Variants in EHD4 observed in about 807,000 individuals in gnomAD.
EHD4 encodes the protein EH domain-containing protein 4.
A neutral mutation model predicts 51.0 loss-of-function variants in EHD4; 37 were observed. The observed-to-expected ratio is 0.73, with a 90% CI of 0.56 to 0.95. The LOEUF is 0.95. Among genes scored for constraint, EHD4 ranks in the 40% least tolerant of loss-of-function variants. EHD4 has a pLI of 0.00. For synonymous variants in EHD4, 297 were observed against 317.3 expected (o/e 0.94, Z 0.68); for missense variants, 632 against 733.1 (o/e 0.86, Z 1.59).
chr15:41,957,850 G>A (rs138338526), intron 1 of EHD4, among the ~76,000 whole-genome samples: 81 of 152,306 alleles, frequency 5.3e-4, no homozygotes, highest in Non-Finnish European at 1.1e-3. Context: ...TGCAGTGAGG[G>A]AACTCGGAAC....
At chr15:41,952,992 C>G (rs1055255420) in intron 2 of EHD4, among the ~76,000 whole-genome samples, 9 of 120,538 alleles carry the variant, frequency 7.5e-5, no homozygotes, top group Non-Finnish European at 1.5e-4. Context: ...TCTATCTTCC[C>G]CCCCGCAAAA....
At chr15:41,968,617 C>T (rs564036201) in intron 1 of EHD4, among the ~76,000 whole-genome samples, 2 of 152,166 alleles carry the variant, frequency 1.3e-5, no homozygotes, top group Admixed American at 6.5e-5. Context: ...AGTTCCTTTG[C>T]CCTTGGGTTC....
chr15:41,970,527 T>A (rs1298535123), intron 1 of EHD4, among the ~76,000 whole-genome samples: 1 of 152,250 alleles, frequency 6.6e-6, no homozygotes, highest in Non-Finnish European at 1.5e-5. Flanking sequence ...GAGAGAAATC[T>A]GGAAAAATAC....
chr15:41,943,373 G>C (rs1699445219), intron 2 of EHD4, among the ~76,000 whole-genome samples: 1 of 152,210 alleles, frequency 6.6e-6, no homozygotes, highest in Admixed American at 6.5e-5. Flanking sequence ...ACAGAGAACA[G>C]ATGCTGGCCC....
At chr15:41,942,783 A>C in intron 3 of EHD4, 1 of 301,318 alleles carries the variant, frequency 3.3e-6, no homozygotes, top group South Asian at 3.9e-5. Flanking sequence ...CCCCGAGGCC[A>C]AGCCAGGTCC....
chr15:41,917,883 G>A (rs1041075912), intron 4 of EHD4, among the ~76,000 whole-genome samples: 4 of 152,200 alleles, frequency 2.6e-5, no homozygotes, highest in African/African-American at 9.6e-5. Flanking sequence ...CCACACCACT[G>A]CAGGTTAGCT....
At chr15:41,955,108 T>C (rs2067878599) in intron 1 of EHD4, among the ~76,000 whole-genome samples, 1 of 152,140 alleles carries the variant, frequency 6.6e-6, no homozygotes, top group African/African-American at 2.4e-5. Context: ...ATATCTTTTA[T>C]CTCTAAATTT....
chr15:41,936,457 T>C (rs1014477929), intron 3 of EHD4, among the ~76,000 whole-genome samples: 2 of 152,222 alleles, frequency 1.3e-5, no homozygotes, highest in Non-Finnish European at 2.9e-5. Flanking sequence ...TATTAGCTAT[T>C]ATTATTATTA....
At chr15:41,949,016 C>CTATATATATATATATATATATATATA (rs3035677) in intron 2 of EHD4, among the ~76,000 whole-genome samples, 16 of 92,460 alleles carry the variant, frequency 1.7e-4, no homozygotes, top group Non-Finnish European at 3.1e-4. Context: ...CAGAGTGAGA[C>CTATATATATATATATATATATATATA]TATATATATA....
Position 41,899,585 on chromosome 15 carries a change from ATCTCT to A in EHD4, c.*1055_*1059del, listed in dbSNP as rs957257417. On this transcript the variant is annotated 3_prime_UTR_variant, in exon 6 of 6. Coordinates refer to ENST00000220325, the MANE Select transcript of EHD4 (RefSeq NM_139265.4). ...ACAATGTCTAACTCTGGGTGGACTG[ATCTCT>A]TCTCAACAGCCCAGGGCAGGGCTGG... 2 of 151,880 alleles carry A rather than the reference ATCTCT, an allele frequency of 1.3e-5. No individual in the cohort carries two copies. Among genetic ancestry groups the A allele is most frequent in the African/African-American group, 2.4e-5 (1 of 41,326 alleles). 9.4% of individuals were successfully genotyped at this position (151,880 alleles called of 1,614,324 possible).
chr15:41,898,209 C>T lies in EHD4; in HGVS notation c.*2436G>A, dbSNP rs368116636. On this transcript the variant is annotated 3_prime_UTR_variant, in exon 6 of 6. Coordinates refer to ENST00000220325, the MANE Select transcript of EHD4 (RefSeq NM_139265.4). Reference sequence around the variant, plus strand: ...GCAGGGAAAGGACTCCGCTGCCTGACGCCTCTCCCACCTGAGAGCGCAGAG... The same window carrying T: ...GCAGGGAAAGGACTCCGCTGCCTGATGCCTCTCCCACCTGAGAGCGCAGAG... 7.9e-5 allele frequency: 12 copies of T among 152,160 alleles called. No individual in the cohort carries two copies. The highest frequency in any genetic ancestry group is 1.9e-4 in the African/African-American group (8 of 41,430). The allele number at this position is 152,160 out of a possible 1,614,324, so 9.4% of individuals were successfully genotyped here. A position where few individuals can be genotyped will look rare whatever the true frequency, so the allele number is the denominator to read the frequency against.
chr15:41,902,821 A>ATG (rs1175640332), intron 5 of EHD4, among the ~76,000 whole-genome samples: 1 of 126,004 alleles, frequency 7.9e-6, no homozygotes. Context: ...ATATATATGT[A>ATG]TGTATATATA....
chr15:41,909,662 G>C (rs1379120782), intron 5 of EHD4, 37 bp downstream of exon 5: 1 of 1,611,534 alleles, frequency 6.2e-7, no homozygotes. Flanking sequence ...CTGCACCTCT[G>C]CCCTCTGCCC....
Position 41,944,843 on chromosome 15 carries a change from G to T in EHD4, c.414-1679C>A, listed in dbSNP as rs1443688605. ...TTAAAAGTAAAGGGTCAAGTTAGTGGAAGAGAAGCCCCCAATTTCCACCTG... is the reference window on the plus strand; with the variant it reads ...TTAAAAGTAAAGGGTCAAGTTAGTGTAAGAGAAGCCCCCAATTTCCACCTG... On this transcript the variant is annotated intron_variant, in intron 2 of 5. Transcript: ENST00000220325. Among the ~76,000 whole-genome samples, 3 of 152,158 alleles carry T rather than the reference G, an allele frequency of 2.0e-5. No homozygotes were observed. In the East Asian group the frequency reaches 5.8e-4, roughly 29 times the overall value.
intron 2 of EHD4, among the ~76,000 whole-genome samples, chr15:41,947,194 G>A (rs142854291): frequency 1.3e-5 from 2 of 152,306 alleles, no homozygotes; most frequent in Non-Finnish European, 2.9e-5. Flanking sequence ...AACCACTGCT[G>A]TGTGGCATAT....
intron 4 of EHD4, among the ~76,000 whole-genome samples, chr15:41,914,525 C>T (rs762942749): frequency 6.6e-6 from 1 of 152,166 alleles, no homozygotes; most frequent in African/African-American, 2.4e-5. Flanking sequence ...CGTGTAATTC[C>T]GTGCAGCCTT....
intron 1 of EHD4, among the ~76,000 whole-genome samples, chr15:41,969,587 T>G (rs918717351): frequency 6.6e-6 from 1 of 152,176 alleles, no homozygotes; most frequent in African/African-American, 2.4e-5. Context: ...TCAAATGGAC[T>G]TCATACTTTT....
At position 41,952,998 on chromosome 15, in the gene EHD4, C is replaced by CAAAAAAA. The variant is rs33930801; in HGVS notation, c.413+759_413+765dup. Among the ~76,000 whole-genome samples, 153 of 69,082 alleles carry CAAAAAAA rather than the reference C, an allele frequency of 2.2e-3. 1 individual carries two copies. The highest frequency in any genetic ancestry group is 8.2e-3 in the South Asian group (11 of 1,336). 45.3% of individuals were successfully genotyped at this position (69,082 alleles called of 152,430 possible). Reference sequence around the variant, plus strand: ...GAATGAGACTCTATCTTCCCCCCCGCAAAAAAAAAAAAAAAAAAAAAAACG... The same window carrying CAAAAAAA: ...GAATGAGACTCTATCTTCCCCCCCGCAAAAAAAAAAAAAAAAAAAAAAAAAAAAAACG... On this transcript the variant is annotated intron_variant, in intron 2 of 5. Coordinates refer to ENST00000220325, the MANE Select transcript of EHD4 (RefSeq NM_139265.4).
intron 2 of EHD4, among the ~76,000 whole-genome samples, chr15:41,945,774 A>G (rs1186181622): frequency 6.6e-6 from 1 of 152,242 alleles, no homozygotes; most frequent in East Asian, 1.9e-4. Context: ...TCTCTGAGAA[A>G]GGGAGGCGCA....
Sources: gnomAD v4.1 joint callset for allele counts (sites outside exome capture counted in the v4.1 genomes callset) on GRCh38, gnomAD v4.1.1 for gene constraint, MANE v1.5 for transcripts, NCBI Gene and HGNC (gene_info 2026-07-23, HGNC 2026-07-21) for gene names.